Variants in TMTC2 observed in about 807,000 individuals in gnomAD.
TMTC2 encodes the protein transmembrane O-mannosyltransferase targeting cadherins 2.
In TMTC2, 43 loss-of-function variants were observed where a neutral mutation model predicts 82.4. The observed-to-expected ratio is 0.52, with a 90% CI of 0.41 to 0.67. The LOEUF (loss-of-function observed/expected upper bound fraction) is 0.67, where lower values mean the gene tolerates loss of function less well. Ranked by LOEUF, TMTC2 falls within the 30% of genes least tolerant of loss-of-function variation. TMTC2 has a pLI of 0.00. For synonymous variants in TMTC2, 408 were observed against 381.9 expected (o/e 1.07, Z -0.80); for missense variants, 919 against 1,012.4 (o/e 0.91, Z 1.25).
At chr12:82,784,173 A>C (rs1446873917) in intron 1 of TMTC2, among the ~76,000 whole-genome samples, 2 of 152,076 alleles carry the variant, frequency 1.3e-5, no homozygotes, top group Non-Finnish European at 2.9e-5. Context: ...GTATATTTTG[A>C]ATATTGTAAG....
At chr12:82,848,530 G>T (rs1870806897) in intron 1 of TMTC2, among the ~76,000 whole-genome samples, 1 of 151,906 alleles carries the variant, frequency 6.6e-6, no homozygotes, top group African/African-American at 2.4e-5. Flanking sequence ...GCTCTATTTT[G>T]CTCATCATTC....
chr12:83,019,858 T>C lies in TMTC2; in HGVS notation c.2071-10940T>C, dbSNP rs1384430295. On this transcript the variant is annotated intron_variant, in intron 8 of 11. Coordinates refer to ENST00000321196, the MANE Select transcript of TMTC2 (RefSeq NM_152588.3). ...AGAGTGATATTCATAAAACAGCGGCTAGCATCTTAGTATGACTGATAAGCC... is the reference window on the plus strand; with the variant it reads ...AGAGTGATATTCATAAAACAGCGGCCAGCATCTTAGTATGACTGATAAGCC... 2.6e-5 allele frequency among the ~76,000 whole-genome samples: 4 copies of C among 152,166 alleles called. No homozygotes were observed. The East Asian group carries it at 5.8e-4, about 22-fold the overall frequency.
intron 8 of TMTC2, among the ~76,000 whole-genome samples, chr12:83,009,904 C>A (rs960852750): frequency 4.1e-4 from 62 of 152,178 alleles, no homozygotes; most frequent in African/African-American, 1.3e-3. Flanking sequence ...CAACCTAGAT[C>A]CCTCACAGTG....
At chr12:82,863,973 G>A (rs189626400) in intron 2 of TMTC2, among the ~76,000 whole-genome samples, 283 of 152,230 alleles carry the variant, frequency 1.9e-3, no homozygotes, top group Admixed American at 3.5e-3. Flanking sequence ...TTGGTTGAGG[G>A]GATCAAGAAA....
In TMTC2 at chr12:83,099,369, A is replaced by C. The variant is rs549610896; in HGVS notation, c.2332-32841A>C. Among the ~76,000 whole-genome samples the C allele has an allele frequency of 1.5e-4, 23 of 152,318 alleles. No homozygotes were observed. In the South Asian group the frequency reaches 3.5e-3, roughly 23 times the overall value. On this transcript the variant is annotated intron_variant, in intron 11 of 11. Transcript: ENST00000321196. ...TAACGTTTAATTTTTTTGTATAATA[A>C]AATTCTTACTGCGCACAACATCTTC...
chr12:82,729,594 G>A (rs1233960132), intron 1 of TMTC2, among the ~76,000 whole-genome samples: 3 of 152,036 alleles, frequency 2.0e-5, no homozygotes, highest in Non-Finnish European at 4.4e-5. Context: ...TCTAGCGCAG[G>A]GATTGTAAAT....
chr12:82,926,657 TA>T (rs1875736418), intron 3 of TMTC2, among the ~76,000 whole-genome samples: 1 of 152,198 alleles, frequency 6.6e-6, no homozygotes, highest in African/African-American at 2.4e-5. Flanking sequence ...AGAGAGGTGT[TA>T]GTGCCTGGCT....
intron 3 of TMTC2, among the ~76,000 whole-genome samples, chr12:82,922,346 C>G (rs773618695): frequency 4.6e-5 from 7 of 152,016 alleles, no homozygotes; most frequent in African/African-American, 1.7e-4. Flanking sequence ...TAATCCCAAA[C>G]ATCTGTTTTG....
At chr12:82,923,474 A>G (rs963322539) in intron 3 of TMTC2, among the ~76,000 whole-genome samples, 1 of 152,138 alleles carries the variant, frequency 6.6e-6, no homozygotes, top group African/African-American at 2.4e-5. Context: ...TTCACTAAAT[A>G]GAAGTCCTTT....
intron 1 of TMTC2, among the ~76,000 whole-genome samples, chr12:82,783,072 A>G (rs1169416981): frequency 1.3e-5 from 2 of 152,098 alleles, no homozygotes; most frequent in Non-Finnish European, 2.9e-5. Context: ...GAAATGCTTC[A>G]ATTAAGGGCA....
intron 1 of TMTC2, among the ~76,000 whole-genome samples, chr12:82,806,121 T>C (rs537159614): frequency 3.5e-4 from 53 of 152,164 alleles, no homozygotes; most frequent in African/African-American, 1.3e-3. Context: ...CTGGGAGGAA[T>C]TGGAAGGAAA....
At chr12:83,056,847 C>G (rs1297487680) in intron 10 of TMTC2, among the ~76,000 whole-genome samples, 1 of 151,924 alleles carries the variant, frequency 6.6e-6, no homozygotes, top group African/African-American at 2.4e-5. Context: ...AGGTGGGCGT[C>G]TTTCAACCCT....
At chr12:82,752,359 G>T (rs1419137291) in intron 1 of TMTC2, among the ~76,000 whole-genome samples, 1 of 151,962 alleles carries the variant, frequency 6.6e-6, no homozygotes, top group South Asian at 2.1e-4. Flanking sequence ...GGTGGCTGGC[G>T]CTTGTAATCC....
At chr12:82,769,428 A>T (rs1877163533) in intron 1 of TMTC2, among the ~76,000 whole-genome samples, 1 of 151,966 alleles carries the variant, frequency 6.6e-6, no homozygotes, top group African/African-American at 2.4e-5. Flanking sequence ...GTGAGCTGAG[A>T]TTGTGCCACT....
rs1245608931 is a variant in TMTC2, at chr12:82,858,079, C to T, written c.654+499C>T. 2.0e-5 allele frequency among the ~76,000 whole-genome samples: 3 copies of T among 152,298 alleles called. No homozygotes were observed. In the East Asian group the frequency reaches 5.8e-4, roughly 29 times the overall value. ...TCAAATTCTTAAACAATGAATCATA[C>T]TCACCTTTTTCTCGTGATAGTGCAT... On this transcript the variant is annotated intron_variant, in intron 2 of 11. Transcript: ENST00000321196.
Position 82,896,056 on chromosome 12 carries a change from C to T in TMTC2, c.893C>T (p.Ala298Val), listed in dbSNP as rs143074402. Residue 298 changes from alanine (A) to valine (V), a missense_variant, in exon 3 of 12, where the codon GCT (alanine) becomes GTT (valine). Physicochemically the swap from Ala to Val is moderately conservative, Grantham distance 64. Transcript: ENST00000321196. ...CTCAGTTTTGATTGGTCAATGGATG[C>T]TGTGCCTCTGCTCAAAACAGTTTGT... ...DTLSFDWSMD[A>V]VPLLKTVCDW... 5.6e-6 allele frequency: 9 copies of T among 1,613,884 alleles called. No individual in the cohort carries two copies. The highest frequency in any genetic ancestry group is 7.6e-6 in the Non-Finnish European group (9 of 1,180,018).
intron 11 of TMTC2, among the ~76,000 whole-genome samples, chr12:83,116,126 T>G (rs1884752460): frequency 6.6e-6 from 1 of 152,188 alleles, no homozygotes; most frequent in African/African-American, 2.4e-5. Context: ...TTCTTACGCC[T>G]TTGCATCCTC....
Position 82,769,663 on chromosome 12 carries a change from T to A in TMTC2, c.83+81994T>A, listed in dbSNP as rs181205671. Among the ~76,000 whole-genome samples, 465 of 152,250 alleles carry A rather than the reference T, an allele frequency of 3.1e-3. 2 individuals are homozygous for A. Among genetic ancestry groups the A allele is most frequent in the African/African-American group, 0.011 (450 of 41,560 alleles). On this transcript the variant is annotated intron_variant, in intron 1 of 11. Transcript: ENST00000321196. ...TCTTGCTCTGTCGCCCAGGCTGGAG[T>A]GCAGTGGCGCCATCTCGGCTCACTG... is the stretch of plus-strand genomic sequence containing the variant.
chr12:82,858,113 A>C (rs912440864), intron 2 of TMTC2, among the ~76,000 whole-genome samples: 2 of 152,246 alleles, frequency 1.3e-5, no homozygotes, highest in Admixed American at 1.3e-4. Flanking sequence ...ATAAGAATAG[A>C]AAAGTCAAAA....
Sources: allele counts gnomAD v4.1 joint callset (sites outside exome capture counted in the v4.1 genomes callset), GRCh38; gene constraint gnomAD v4.1.1; transcripts MANE v1.5; gene names NCBI Gene and HGNC (gene_info 2026-07-23, HGNC 2026-07-21).